Variants in PRKG1 observed in about 807,000 individuals in gnomAD.
PRKG1 encodes protein kinase cGMP-dependent 1, also known as cGMP-dependent protein kinase 1.
PRKG1 carries 35 observed loss-of-function variants against 88.1 expected under a neutral mutation model. The ratio of observed to expected loss-of-function variants is 0.40; its 90% confidence interval spans 0.30 to 0.53. The LOEUF (loss-of-function observed/expected upper bound fraction) is 0.53. Among genes scored for constraint, PRKG1 ranks in the 20% least tolerant of loss-of-function variants. The probability of loss-of-function intolerance (pLI) is 0.59; values close to 1 mark genes in which losing one functional copy is unlikely to be tolerated. For synonymous variants in PRKG1, 303 were observed against 292.5 expected (o/e 1.04, Z -0.37); for missense variants, 540 against 839.8 (o/e 0.64, Z 4.41).
Position 51,125,903 on chromosome 10 carries a change from AGT to A in PRKG1, c.312-27256_312-27255del, listed in dbSNP as rs1194129692. 2.3e-3 allele frequency among the ~76,000 whole-genome samples: 314 copies of A among 136,188 alleles called. 1 individual carries two copies. Among genetic ancestry groups the A allele is most frequent in the Non-Finnish European group, 4.1e-3 (270 of 65,428 alleles). The allele number at this position is 136,188 out of a possible 152,430, so 89.3% of individuals were successfully genotyped here. A position where few individuals can be genotyped will look rare whatever the true frequency, so the allele number is the denominator to read the frequency against. On this transcript the variant is annotated intron_variant, in intron 1 of 17. Transcript: ENST00000373980. ...ACTTATATGATTTATAATTATAAAAAGTGTGTAATTTATAAATATATAAATTA... is the reference window on the plus strand; with the variant it reads ...ACTTATATGATTTATAATTATAAAAAGTGTAATTTATAAATATATAAATTA...
intron 5 of PRKG1, among the ~76,000 whole-genome samples, chr10:51,939,281 T>G (rs1293581775): frequency 1.3e-5 from 2 of 152,108 alleles, no homozygotes; most frequent in African/African-American, 4.8e-5. Flanking sequence ...CACAGAAATT[T>G]TTATTTGCTG....
At chr10:51,823,866 C>CTTTTTTT (rs5784887) in intron 4 of PRKG1, among the ~76,000 whole-genome samples, 1 of 78,736 alleles carries the variant, frequency 1.3e-5, no homozygotes. Context: ...TTTCTCTCTC[C>CTTTTTTT]TTTTTTTTTT....
At chr10:51,171,925 G>C (rs1170395064) in intron 2 of PRKG1, among the ~76,000 whole-genome samples, 1 of 151,922 alleles carries the variant, frequency 6.6e-6, no homozygotes, top group Non-Finnish European at 1.5e-5. Context: ...GTGTACTTCT[G>C]AATTAATTGC....
At chr10:51,932,102 C>A (rs370039092) in intron 5 of PRKG1, among the ~76,000 whole-genome samples, 5 of 151,788 alleles carry the variant, frequency 3.3e-5, no homozygotes, top group Admixed American at 6.6e-5. Context: ...TTATAAATCA[C>A]TTAGTCTTAT....
At chr10:52,253,871 C>A (rs577559893) in intron 10 of PRKG1, among the ~76,000 whole-genome samples, 1 of 151,832 alleles carries the variant, frequency 6.6e-6, no homozygotes, top group Admixed American at 6.6e-5. Context: ...GAGTGCACGT[C>A]CTTAACCTTT....
At chr10:51,014,573 G>A (rs748502720) in intron 1 of PRKG1, among the ~76,000 whole-genome samples, 21 of 151,632 alleles carry the variant, frequency 1.4e-4, no homozygotes, top group South Asian at 1.3e-3. Context: ...CTCCTTATCC[G>A]TGATGAAGCT....
chr10:51,887,105 C>A (rs760435150), intron 4 of PRKG1, among the ~76,000 whole-genome samples: 6 of 152,304 alleles, frequency 3.9e-5, no homozygotes, highest in Non-Finnish European at 7.3e-5. Flanking sequence ...CATGCCTCAT[C>A]CTCCTGAGTA....
intron 7 of PRKG1, among the ~76,000 whole-genome samples, chr10:52,109,799 TAAAAAC>T (rs1301011585): frequency 6.6e-6 from 1 of 151,188 alleles, no homozygotes; most frequent in African/African-American, 2.5e-5. Context: ...CTTTATGTGT[TAAAAAC>T]AATAACAACA....
intron 2 of PRKG1, among the ~76,000 whole-genome samples, chr10:51,313,723 A>G (rs1168634771): frequency 6.6e-6 from 1 of 152,174 alleles, no homozygotes; most frequent in African/African-American, 2.4e-5. Context: ...CAGATGCTCA[A>G]TTCTCTAAAT....
chr10:51,294,595 A>G (rs2132227939), intron 2 of PRKG1, among the ~76,000 whole-genome samples: 1 of 152,292 alleles, frequency 6.6e-6, no homozygotes, highest in East Asian at 1.9e-4. Context: ...TAATTAGTGT[A>G]ATTTAAAGTA....
At chr10:51,750,918 A>G (rs1837708252) in intron 3 of PRKG1, among the ~76,000 whole-genome samples, 1 of 152,232 alleles carries the variant, frequency 6.6e-6, no homozygotes, top group Admixed American at 6.5e-5. Context: ...GAAAATTTCA[A>G]AGATAAATAT....
At chr10:52,167,342 A>T (rs1838510232) in intron 9 of PRKG1, among the ~76,000 whole-genome samples, 1 of 152,102 alleles carries the variant, frequency 6.6e-6, no homozygotes, top group South Asian at 2.1e-4. Context: ...CAAGCCATTC[A>T]AAAGAGATCC....
chr10:51,081,329 A>T (rs981200784), intron 1 of PRKG1, among the ~76,000 whole-genome samples: 26 of 152,362 alleles, frequency 1.7e-4, no homozygotes, highest in African/African-American at 5.8e-4. Context: ...GAAAATAGTG[A>T]TAGGCTTTGT....
At chr10:51,904,235 AT>A (rs995675582) in intron 4 of PRKG1, among the ~76,000 whole-genome samples, 7 of 151,028 alleles carry the variant, frequency 4.6e-5, no homozygotes, top group African/African-American at 9.7e-5. Context: ...ACAATAAATT[AT>A]TTTTTTTTGC....
At chr10:51,790,337 G>A (rs1268688859) in intron 3 of PRKG1, among the ~76,000 whole-genome samples, 1 of 151,966 alleles carries the variant, frequency 6.6e-6, no homozygotes, top group Non-Finnish European at 1.5e-5. Context: ...CTTATAAGAT[G>A]GTAATACCAT....
intron 6 of PRKG1, among the ~76,000 whole-genome samples, chr10:52,061,134 A>G (rs913809602): frequency 2.0e-5 from 3 of 152,028 alleles, no homozygotes; most frequent in African/African-American, 7.2e-5. Flanking sequence ...GATACAGCTT[A>G]GTGGTCACAG....
intron 2 of PRKG1, among the ~76,000 whole-genome samples, chr10:51,194,152 A>G (rs1837701064): frequency 6.6e-6 from 1 of 152,150 alleles, no homozygotes. Context: ...TTAAAAAACC[A>G]CATCTATTAT....
intron 1 of PRKG1, among the ~76,000 whole-genome samples, chr10:51,133,830 T>G (rs1845628949): frequency 6.6e-6 from 1 of 152,070 alleles, no homozygotes; most frequent in South Asian, 2.1e-4. Context: ...GTGTATTGTA[T>G]GCATTTTGTG....
At chr10:51,392,733 CG>C (rs1837444126) in intron 2 of PRKG1, among the ~76,000 whole-genome samples, 1 of 142,800 alleles carries the variant, frequency 7.0e-6, no homozygotes, top group African/African-American at 2.5e-5. Flanking sequence ...CCTCACCTCC[CG>C]GACGGGGCGG....
Sources: gnomAD v4.1 joint callset for allele counts (sites outside exome capture counted in the v4.1 genomes callset) on GRCh38, gnomAD v4.1.1 for gene constraint, MANE v1.5 for transcripts, NCBI Gene and HGNC (gene_info 2026-07-23, HGNC 2026-07-21) for gene names.